Variants in IMPG1 observed in about 807,000 individuals in gnomAD.
The protein encoded by IMPG1 is interphotoreceptor matrix proteoglycan 1, also known as interphotoreceptor matrix proteoglycan of 150 kDa.
IMPG1 carries 85 observed loss-of-function variants against 92.0 expected under a neutral mutation model. That is an observed-to-expected ratio of 0.92 (90% confidence interval 0.78 to 1.11). The LOEUF is 1.11. IMPG1 is among the 50% of genes least tolerant of loss of function. The pLI is 0.00. For synonymous variants in IMPG1, 367 were observed against 334.1 expected, an observed-to-expected ratio of 1.10 and a Z score of -1.08; for missense variants, 1,022 against 956.0, an observed-to-expected ratio of 1.07 and a Z score of -0.91.
At chr6:75,939,212 A>G (rs930027730) in intron 14 of IMPG1, among the ~76,000 whole-genome samples, 1 of 152,086 alleles carries the variant, frequency 6.6e-6, no homozygotes, top group Non-Finnish European at 1.5e-5. Flanking sequence ...TTTTTTTAAA[A>G]TTATACTTTA....
chr6:76,018,641 G>C lies in IMPG1; in HGVS notation c.807+77C>G, dbSNP rs114487127. ...CCAGGAGAAGCTGGAACTGTTCGCC[G>C]TAAGGGTTTATGTCCTATCGGCTCC... is the stretch of plus-strand genomic sequence containing the variant. On this transcript the variant is annotated intron_variant, in intron 7 of 16. Transcript: ENST00000369950. 11 of 1,341,612 alleles carry C rather than the reference G, an allele frequency of 8.2e-6. No individual in the cohort carries two copies. The East Asian group carries it at 1.0e-4, about 12-fold the overall frequency. 83.1% of individuals were successfully genotyped at this position (1,341,612 alleles called of 1,614,324 possible).
chr6:76,030,678 G>C (rs944135384), intron 4 of IMPG1, among the ~76,000 whole-genome samples: 3 of 152,134 alleles, frequency 2.0e-5, no homozygotes, highest in Non-Finnish European at 4.4e-5. Context: ...CAGAGCCTCG[G>C]ACAATGGCCC....
At chr6:75,954,460 G>A (rs1392792969) in intron 12 of IMPG1, among the ~76,000 whole-genome samples, 2 of 152,074 alleles carry the variant, frequency 1.3e-5, no homozygotes, top group Admixed American at 6.6e-5. Context: ...TGATGGGGTT[G>A]TTTGTTTTTT....
rs184285757 is a variant in IMPG1 at position 75,964,464 on chromosome 6, G to A, written c.1292-13370C>T. Among the ~76,000 whole-genome samples, 34 of 152,190 alleles carry A rather than the reference G, an allele frequency of 2.2e-4. No individual in the cohort carries two copies. The East Asian group carries it at 6.2e-3, about 28-fold the overall frequency. On this transcript the variant is annotated intron_variant, in intron 12 of 16. Transcript: ENST00000369950. ...GAGGCAGGGGCAGGCAGATCTTGAG[G>A]TCAGGAGTTCAAGACCAGACTGGCT...
At chr6:76,028,856 G>C (rs548640665) in intron 4 of IMPG1, among the ~76,000 whole-genome samples, 1 of 152,310 alleles carries the variant, frequency 6.6e-6, no homozygotes, top group East Asian at 1.9e-4. Context: ...TACTCCTGGG[G>C]TGAAAATTTG....
chr6:75,952,973 A>T (rs775675235), intron 12 of IMPG1, among the ~76,000 whole-genome samples: 9 of 152,190 alleles, frequency 5.9e-5, no homozygotes, highest in Admixed American at 4.6e-4. Context: ...TGGAAGTCTG[A>T]GTTGACTAAA....
intron 12 of IMPG1, among the ~76,000 whole-genome samples, chr6:75,999,043 G>A (rs1428339379): frequency 2.6e-5 from 4 of 152,144 alleles, no homozygotes; most frequent in Non-Finnish European, 4.4e-5. Context: ...TTTTAGTAGA[G>A]ACAGGGTTTC....
At chr6:75,950,528 A>G (rs764787640) in intron 13 of IMPG1, 34 bp downstream of exon 13, 11 of 1,521,446 alleles carry the variant, frequency 7.2e-6, no homozygotes, top group Non-Finnish European at 9.7e-6. Context: ...AAGAAGAGAC[A>G]AAGAATTGGG....
chr6:75,954,223 C>A (rs1399000396), intron 12 of IMPG1, among the ~76,000 whole-genome samples: 1 of 152,142 alleles, frequency 6.6e-6, no homozygotes, highest in Non-Finnish European at 1.5e-5. Context: ...ATTTACACTC[C>A]CACCAATAGT....
chr6:75,959,614 A>G (rs1782182525), intron 12 of IMPG1, among the ~76,000 whole-genome samples: 1 of 152,004 alleles, frequency 6.6e-6, no homozygotes. Context: ...CAGCTTTGCC[A>G]AGCTGCAGTG....
chr6:75,922,785 C>T (rs1164352313), intron 16 of IMPG1, among the ~76,000 whole-genome samples: 1 of 152,074 alleles, frequency 6.6e-6, no homozygotes, highest in African/African-American at 2.4e-5. Context: ...ACCAAAGTGG[C>T]ACACATTCCC....
chr6:75,995,676 A>C (rs1008666801), intron 12 of IMPG1, among the ~76,000 whole-genome samples: 3 of 152,230 alleles, frequency 2.0e-5, no homozygotes, highest in African/African-American at 7.2e-5. Flanking sequence ...AAAATTTTAT[A>C]ATAAACTTCT....
chr6:75,925,713 TGGA>T lies in IMPG1; in HGVS notation c.2244-2010_2244-2008del, dbSNP rs1403485830. On this transcript the variant is annotated intron_variant, in intron 15 of 16. Transcript: ENST00000369950. ...GACAGTCTCGCTCTGTCACCCAGGC[TGGA>T]GTGCAGTGGCATGATCTTGGCTCAC... Among the ~76,000 whole-genome samples, 5 of 152,136 alleles carry T rather than the reference TGGA, an allele frequency of 3.3e-5. No homozygotes were observed. The South Asian group carries it at 1.0e-3, about 32-fold the overall frequency.
chr6:75,925,650 G>A (rs370184154), intron 15 of IMPG1, among the ~76,000 whole-genome samples: 1 of 144,196 alleles, frequency 6.9e-6, no homozygotes, highest in East Asian at 2.1e-4. Flanking sequence ...AACACAGTGA[G>A]ACCCTATCTG....
chr6:76,055,574 G>A (rs1346697164), intron 1 of IMPG1, among the ~76,000 whole-genome samples: 1 of 151,374 alleles, frequency 6.6e-6, no homozygotes, highest in African/African-American at 2.4e-5. Flanking sequence ...ATGTGAAAGA[G>A]ATCATAAATA....
At chr6:75,928,754 C>G (rs1054133323) in intron 15 of IMPG1, 1 of 152,146 alleles carries the variant, frequency 6.6e-6, no homozygotes, top group Non-Finnish European at 1.5e-5. Context: ...TATGAATTTA[C>G]TTACATGTTA....
chr6:75,937,469 GGC>G (rs66976910), intron 14 of IMPG1, among the ~76,000 whole-genome samples: 10,649 of 152,164 alleles, frequency 0.07, 503 homozygotes, highest in East Asian at 0.23. Flanking sequence ...AGTTGAAGAT[GGC>G]ACACAAATCT....
chr6:76,044,940 G>T (rs1330784676), intron 1 of IMPG1, among the ~76,000 whole-genome samples: 3 of 152,130 alleles, frequency 2.0e-5, no homozygotes, highest in Non-Finnish European at 4.4e-5. Context: ...GGGCGAGAAG[G>T]TCACAGATTT....
chr6:76,018,988 C>T (rs1298729590), intron 6 of IMPG1, 130 bp from the exon 7 acceptor site: 8 of 811,158 alleles, frequency 9.9e-6, no homozygotes, highest in Non-Finnish European at 1.2e-5. Flanking sequence ...CAATCAAAAT[C>T]CTTTTAACTA....
Sources: gnomAD v4.1 joint callset for allele counts (sites outside exome capture counted in the v4.1 genomes callset) on GRCh38, gnomAD v4.1.1 for gene constraint, MANE v1.5 for transcripts, NCBI Gene and HGNC (gene_info 2026-07-23, HGNC 2026-07-21) for gene names.